Variants in GRIA4 observed in about 807,000 individuals in gnomAD.
GRIA4 encodes glutamate ionotropic receptor AMPA type subunit 4.
In GRIA4, 34 loss-of-function variants were observed where a neutral mutation model predicts 104.0. That is an observed-to-expected ratio of 0.33 (90% confidence interval 0.25 to 0.44). The LOEUF (loss-of-function observed/expected upper bound fraction) is 0.44, where lower values mean the gene tolerates loss of function less well. GRIA4 is among the 20% of genes least tolerant of loss of function. The pLI, the probability that GRIA4 is intolerant of heterozygous loss-of-function variation, is 1.00. For synonymous variants in GRIA4, 386 were observed against 381.9 expected (o/e 1.01, Z -0.13); for missense variants, 750 against 1,096.5 (o/e 0.68, Z 4.46).
At chr11:105,868,335 A>G (rs1945500473) in intron 5 of GRIA4, among the ~76,000 whole-genome samples, 1 of 152,176 alleles carries the variant, frequency 6.6e-6, no homozygotes, top group African/African-American at 2.4e-5. Flanking sequence ...AGCAGTAGAC[A>G]AAGTTGAAGC....
chr11:105,763,934 A>G (rs1940801732), intron 4 of GRIA4, among the ~76,000 whole-genome samples: 1 of 152,224 alleles, frequency 6.6e-6, no homozygotes, highest in South Asian at 2.1e-4. Flanking sequence ...TCAGATTTCT[A>G]TCAATTCTCA....
In GRIA4 at chr11:105,979,770, AAAC is replaced by A; in HGVS notation, c.*32_*34del. 6.4e-7 allele frequency: 1 copy of A among 1,564,850 alleles called. No homozygotes were observed. The highest frequency in any genetic ancestry group is 8.8e-7 in the Non-Finnish European group (1 of 1,137,732). On this transcript the variant is annotated 3_prime_UTR_variant, in exon 17 of 17. Coordinates refer to ENST00000282499, the MANE Select transcript of GRIA4 (RefSeq NM_000829.4). ...AAAAAAATAATTGAGTGCCTTAATT[AAAC>A]TGTTGGTGACTGGTGGAAACGCAGC...
chr11:105,844,761 GCTA>G (rs1325274949), intron 4 of GRIA4, among the ~76,000 whole-genome samples: 3 of 152,092 alleles, frequency 2.0e-5, no homozygotes, highest in South Asian at 4.1e-4. Context: ...TACCATTACT[GCTA>G]CTATTACTAT....
intron 14 of GRIA4, among the ~76,000 whole-genome samples, chr11:105,951,674 A>T (rs1948460629): frequency 6.6e-6 from 1 of 152,158 alleles, no homozygotes; most frequent in African/African-American, 2.4e-5. Flanking sequence ...TTGGTTTCAC[A>T]TTCAGTATTT....
At chr11:105,738,553 A>G (rs1213407016) in intron 3 of GRIA4, among the ~76,000 whole-genome samples, 1 of 152,162 alleles carries the variant, frequency 6.6e-6, no homozygotes, top group East Asian at 1.9e-4. Flanking sequence ...ACTCATGAGA[A>G]TAGTTGTTTC....
chr11:105,619,271 C>T (rs72990198), intron 3 of GRIA4, among the ~76,000 whole-genome samples: 2 of 151,930 alleles, frequency 1.3e-5, no homozygotes, highest in African/African-American at 2.4e-5. Flanking sequence ...AGTCTGTTAA[C>T]ACAGATAAAT....
chr11:105,828,072 G>A (rs541905552), intron 4 of GRIA4, among the ~76,000 whole-genome samples: 1 of 152,102 alleles, frequency 6.6e-6, no homozygotes, highest in Admixed American at 6.6e-5. Flanking sequence ...AGTCATTAAA[G>A]ATAGGTCCAC....
intron 9 of GRIA4, 34 bp downstream of exon 9, chr11:105,905,335 C>G: frequency 1.2e-5 from 14 of 1,156,988 alleles, no homozygotes; most frequent in African/African-American, 1.5e-5. Context: ...ACAGAATTCT[C>G]TGTTTCTTAG....
chr11:105,694,388 C>G (rs1049583941), intron 3 of GRIA4, among the ~76,000 whole-genome samples: 1 of 152,034 alleles, frequency 6.6e-6, no homozygotes, highest in African/African-American at 2.4e-5. Flanking sequence ...ACCTCGTGAT[C>G]CACCCACCTC....
At chr11:105,674,818 T>C (rs1355127478) in intron 3 of GRIA4, among the ~76,000 whole-genome samples, 1 of 151,906 alleles carries the variant, frequency 6.6e-6, no homozygotes, top group African/African-American at 2.4e-5. Context: ...AACAAACATT[T>C]TATTCCATGA....
chr11:105,667,435 C>G (rs1287310975), intron 3 of GRIA4, among the ~76,000 whole-genome samples: 1 of 151,950 alleles, frequency 6.6e-6, no homozygotes, highest in Non-Finnish European at 1.5e-5. Flanking sequence ...AAGAAATGAA[C>G]TCGTTTCTTT....
chr11:105,830,196 A>G (rs1245949789), intron 4 of GRIA4, among the ~76,000 whole-genome samples: 1 of 151,996 alleles, frequency 6.6e-6, no homozygotes, highest in Non-Finnish European at 1.5e-5. Flanking sequence ...GAGGTGACAG[A>G]CTTGTGTTTT....
intron 4 of GRIA4, among the ~76,000 whole-genome samples, chr11:105,830,669 A>G (rs1025431792): frequency 1.2e-4 from 19 of 152,016 alleles, no homozygotes; most frequent in Non-Finnish European, 2.4e-4. Context: ...CATGGATTCT[A>G]TTCCTCACTT....
At chr11:105,924,824 G>A in intron 12 of GRIA4, 55 bp downstream of exon 12, 1 of 1,321,444 alleles carries the variant, frequency 7.6e-7, no homozygotes, top group Non-Finnish European at 1.1e-6. Flanking sequence ...TCTAAATGTT[G>A]TGCAGATTAT....
intron 6 of GRIA4, among the ~76,000 whole-genome samples, chr11:105,889,188 A>T (rs1461458810): frequency 6.6e-6 from 1 of 152,192 alleles, no homozygotes; most frequent in Non-Finnish European, 1.5e-5. Context: ...TCAATACAAG[A>T]TGGAATGAAT....
chr11:105,821,414 T>C (rs1438727224), intron 4 of GRIA4, among the ~76,000 whole-genome samples: 1 of 152,060 alleles, frequency 6.6e-6, no homozygotes, highest in African/African-American at 2.4e-5. Context: ...CTCATGGTTC[T>C]ACAGGCTGTA....
chr11:105,834,996 G>T (rs1944123226), intron 4 of GRIA4, among the ~76,000 whole-genome samples: 1 of 151,866 alleles, frequency 6.6e-6, no homozygotes, highest in Admixed American at 6.6e-5. Context: ...TAAGATTTTT[G>T]ATTTCTTATA....
chr11:105,914,794 T>C (rs138152833), intron 10 of GRIA4, among the ~76,000 whole-genome samples: 244 of 152,326 alleles, frequency 1.6e-3, no homozygotes, highest in Middle Eastern at 6.8e-3. Flanking sequence ...AAGAGGTTAC[T>C]CTATCCTTCT....
intron 3 of GRIA4, among the ~76,000 whole-genome samples, chr11:105,683,650 A>C (rs531623190): frequency 2.6e-5 from 4 of 152,128 alleles, no homozygotes; most frequent in Non-Finnish European, 5.9e-5. Flanking sequence ...GGTGTGGATA[A>C]TAAAATGTTT....
Sources: allele counts gnomAD v4.1 joint callset (sites outside exome capture counted in the v4.1 genomes callset), GRCh38; gene constraint gnomAD v4.1.1; transcripts MANE v1.5; gene names NCBI Gene and HGNC (gene_info 2026-07-23, HGNC 2026-07-21).